GGT7: variants seen among roughly 807,000 people sequenced by gnomAD.
GGT7 encodes glutathione hydrolase 7.
Under a neutral mutation model 69.2 loss-of-function variants are expected in GGT7, and 30 were observed. The observed-to-expected ratio is 0.43, with a 90% CI of 0.32 to 0.59. The LOEUF (loss-of-function observed/expected upper bound fraction) is 0.59, where lower values mean the gene tolerates loss of function less well. Among genes scored for constraint, GGT7 ranks in the 20% least tolerant of loss-of-function variants. The pLI, the probability that GGT7 is intolerant of heterozygous loss-of-function variation, is 0.05. For synonymous variants in GGT7, 388 were observed against 391.8 expected (o/e 0.99, Z 0.12); for missense variants, 733 against 901.1 (o/e 0.81, Z 2.39).
rs1430336045 is a variant in GGT7, at chr20:34,863,787, C to T, written c.170-239G>A. On this transcript the variant is annotated intron_variant, in intron 1 of 14. Coordinates refer to ENST00000336431, the MANE Select transcript of GGT7 (RefSeq NM_178026.3). This position sits in a 1 kb window ranked among gnomAD's most constrained non-coding sequence, Gnocchi z 4.4. ...CAGCAGGGAGGCTGGATTCCCGCCC[C>T]TCCCTGATACCTAGGCCAAATTTCC... 4.3e-6 allele frequency: 3 copies of T among 701,292 alleles called. No homozygotes were observed. The highest frequency in any genetic ancestry group is 8.0e-6 in the Non-Finnish European group (3 of 375,154). The allele number at this position is 701,292 out of a possible 1,614,324, so 43.4% of individuals were successfully genotyped here.
At chr20:34,867,284 T>C (rs2146929571) in intron 1 of GGT7, among the ~76,000 whole-genome samples, 1 of 152,344 alleles carries the variant, frequency 6.6e-6, no homozygotes, top group East Asian at 1.9e-4. Flanking sequence ...TGATGCTGAC[T>C]ACATATTAAG....
intron 4 of GGT7, chr20:34,861,227 G>A (rs373665395): frequency 5.3e-6 from 2 of 374,780 alleles, no homozygotes; most frequent in Non-Finnish European, 9.5e-6. Flanking sequence ...TCCTTCCCAC[G>A]TGCCAGATAG....
Position 34,859,975 on chromosome 20 carries a change from C to T in GGT7, c.811G>A (p.Asp271Asn). The T allele has an allele frequency of 6.4e-7, 1 of 1,557,602 alleles. No individual in the cohort carries two copies. The highest frequency in any genetic ancestry group is 8.7e-7 in the Non-Finnish European group (1 of 1,148,002). ...ATCCCCAGGCCCCACTGACCTAGAT[C>T]ATGAGTCACGTTGAAGCCATCTTGG... Reference protein sequence around the residue: ...VAQDGFNVTHDLARALAEQLP... With the variant: ...VAQDGFNVTHNLARALAEQLP... The change falls in exon 6 of 15, where the codon GAT becomes AAT. Residue 271 changes from aspartate to asparagine, a missense_variant. Physicochemically the swap from Asp to Asn is conservative, Grantham distance 23 (BLOSUM62 1). Transcript: ENST00000336431.
intron 1 of GGT7, among the ~76,000 whole-genome samples, chr20:34,869,124 T>G (rs1008145179): frequency 6.6e-6 from 1 of 151,914 alleles, no homozygotes; most frequent in Admixed American, 6.6e-5. Flanking sequence ...TGTTGTTTAT[T>G]CCCTTAAGGG....
intron 13 of GGT7, chr20:34,850,871 T>C: frequency 3.5e-6 from 2 of 576,312 alleles, no homozygotes; most frequent in Non-Finnish European, 6.7e-6. Flanking sequence ...AAGCAGGCCC[T>C]TCCTTTCAAA....
intron 1 of GGT7, among the ~76,000 whole-genome samples, chr20:34,866,545 GC>G (rs1283856241): frequency 2.3e-5 from 1 of 43,754 alleles, no homozygotes; most frequent in Admixed American, 2.6e-4. Context: ...CCTCACTATT[GC>G]TTTTTTTTTT....
intron 4 of GGT7, 38 bp downstream of exon 4, chr20:34,861,407 G>A (rs201511170): frequency 2.9e-6 from 3 of 1,023,026 alleles, no homozygotes; most frequent in Admixed American, 2.2e-5. Flanking sequence ...AATGAAGAGA[G>A]ACTCCCCTGA....
intron 3 of GGT7, among the ~76,000 whole-genome samples, chr20:34,862,180 G>A (rs1039278444): frequency 1.3e-5 from 2 of 152,212 alleles, no homozygotes; most frequent in Non-Finnish European, 2.9e-5. Context: ...GACAGTGCAT[G>A]CCCATCATGG....
chr20:34,855,114 G>C (rs1463186495), intron 8 of GGT7, among the ~76,000 whole-genome samples, 191 bp from the exon 9 acceptor site: 2 of 152,222 alleles, frequency 1.3e-5, no homozygotes, highest in Non-Finnish European at 2.9e-5. Flanking sequence ...GGCAGGGCCA[G>C]GACTTGAACT....
At chr20:34,854,493 G>A (rs375403437) in intron 10 of GGT7, 38 bp downstream of exon 10, 15 of 1,265,796 alleles carry the variant, frequency 1.2e-5, no homozygotes, top group African/African-American at 1.2e-4. Flanking sequence ...CACACCCACC[G>A]CTGCCTCTGT....
At chr20:34,849,362 AG>A (rs112251907) in intron 14 of GGT7, among the ~76,000 whole-genome samples, 1 of 105,350 alleles carries the variant, frequency 9.5e-6, no homozygotes, top group Non-Finnish European at 2.0e-5. Flanking sequence ...GGGGGGGTGG[AG>A]GGGGGTCTCA....
rs752330484 is a variant in GGT7 at position 34,854,521 on chromosome 20, C to T, written c.1319+10G>A. On this transcript the variant is annotated intron_variant, in intron 10 of 14. Transcript: ENST00000336431. ...GCCTCTGTAGCCCCCAGGTCCTGCC[C>T]AAGACCCACCTGAGCATGTCATCCA... 3.2e-6 allele frequency: 5 copies of T among 1,582,992 alleles called. No individual in the cohort carries two copies. The highest frequency in any genetic ancestry group is 3.5e-6 in the Non-Finnish European group (4 of 1,152,054).
At chr20:34,855,849 G>A (rs554102830) in intron 8 of GGT7, among the ~76,000 whole-genome samples, 1 of 138,016 alleles carries the variant, frequency 7.2e-6, no homozygotes, top group East Asian at 2.2e-4. Context: ...AGGCTGTAGT[G>A]CAGTGGCACA....
In GGT7 at chr20:34,854,471, T is replaced by C. The variant is rs185341801; in HGVS notation, c.1319+60A>G. 1.7e-3 allele frequency: 1,741 copies of C among 1,021,958 alleles called. 25 individuals carry two copies. The highest frequency in any genetic ancestry group is 2.0e-4 in the Non-Finnish European group (128 of 655,650). 63.3% of individuals were successfully genotyped at this position (1,021,958 alleles called of 1,614,324 possible). A position where few individuals can be genotyped will look rare whatever the true frequency, so the allele number is the denominator to read the frequency against. On this transcript the variant is annotated intron_variant, in intron 10 of 14. Coordinates refer to ENST00000336431, the MANE Select transcript of GGT7 (RefSeq NM_178026.3). Reference sequence around the variant, plus strand: ...ATTGCTATACCAGCTGCTTTTCTCCTGACCCTTTCCCCACACCCACCGCTG... The same window carrying C: ...ATTGCTATACCAGCTGCTTTTCTCCCGACCCTTTCCCCACACCCACCGCTG...
Position 34,863,755 on chromosome 20 carries a change from A to C in GGT7, c.170-207T>G. On this transcript the variant is annotated intron_variant, in intron 1 of 14. Coordinates refer to ENST00000336431, the MANE Select transcript of GGT7 (RefSeq NM_178026.3). The surrounding 1 kb of genome is among the most constrained non-coding windows in gnomAD (Gnocchi z 4.4). ...GCTAGGAAGAGACAGGGACCTCCCC[A>C]GCTGGGCAGCAGGGAGGCTGGATTC... is the stretch of plus-strand genomic sequence containing the variant. 4.2e-6 allele frequency: 3 copies of C among 712,722 alleles called. No homozygotes were observed. The highest frequency in any genetic ancestry group is 2.6e-6 in the Non-Finnish European group (1 of 382,556). 44.1% of individuals were successfully genotyped at this position (712,722 alleles called of 1,614,324 possible). A position where few individuals can be genotyped will look rare whatever the true frequency, so the allele number is the denominator to read the frequency against.
At chr20:34,849,821 C>T in intron 14 of GGT7, 140 bp downstream of exon 14, 1 of 578,592 alleles carries the variant, frequency 1.7e-6, no homozygotes, top group South Asian at 2.2e-5. Flanking sequence ...CCAGATCGTT[C>T]ACTGCTCCAA....
chr20:34,872,594 G>A (rs1321701559), intron 1 of GGT7, 53 bp downstream of exon 1: 3 of 1,273,714 alleles, frequency 2.4e-6, no homozygotes, highest in African/African-American at 1.6e-5. Context: ...CACAGAAGAA[G>A]GAAGACCGGG....
In GGT7 at chr20:34,863,061, C is replaced by T; in HGVS notation, c.406-96G>A. 6 of 1,230,898 alleles carry T rather than the reference C, an allele frequency of 4.9e-6. No homozygotes were observed. Among genetic ancestry groups the T allele is most frequent in the Admixed American group, 2.2e-5 (1 of 45,488 alleles). 76.2% of individuals were successfully genotyped at this position (1,230,898 alleles called of 1,614,324 possible). On this transcript the variant is annotated intron_variant, in intron 2 of 14. Coordinates refer to ENST00000336431, the MANE Select transcript of GGT7 (RefSeq NM_178026.3). This position sits in a 1 kb window ranked among gnomAD's most constrained non-coding sequence, Gnocchi z 4.4. ...CTAGAACTCTACGCGGCATGAAGGT[C>T]GAAGCCCTGCCCCCTTGTTGCCTTG...
At chr20:34,848,156 A>G (rs753971049) in intron 14 of GGT7, among the ~76,000 whole-genome samples, 1 of 152,190 alleles carries the variant, frequency 6.6e-6, no homozygotes, top group Non-Finnish European at 1.5e-5. Context: ...TGTTATGTAC[A>G]TATTGGTTTA....
Sources: allele counts gnomAD v4.1 joint callset (sites outside exome capture counted in the v4.1 genomes callset), GRCh38; gene constraint gnomAD v4.1.1; non-coding constraint Gnocchi (gnomAD v3.1); transcripts MANE v1.5; gene names NCBI Gene and HGNC (gene_info 2026-07-23, HGNC 2026-07-21).